The following PSMB7 variants were observed in gnomAD, a reference collection of about 807,000 sequenced individuals.
The protein encoded by PSMB7 is proteasome 20S subunit beta 7.
Under a neutral mutation model 28.1 loss-of-function variants are expected in PSMB7, and 5 were observed. The ratio of observed to expected loss-of-function variants is 0.18; its 90% CI spans 0.09 to 0.37. The LOEUF is 0.37. Among genes scored for constraint, PSMB7 ranks in the 10% least tolerant of loss-of-function variants. PSMB7 has a pLI of 1.00. For synonymous variants in PSMB7, 122 were observed against 123.7 expected (o/e 0.99, Z 0.09); for missense variants, 275 against 346.2 (o/e 0.79, Z 1.63).
intron 6 of PSMB7, among the ~76,000 whole-genome samples, chr9:124,369,963 G>T (rs1830545437): frequency 6.6e-6 from 1 of 152,158 alleles, no homozygotes; most frequent in South Asian, 2.1e-4. Context: ...CCCCTCTCTA[G>T]GTTGTAAAGT....
At chr9:124,360,440 A>G (rs1830454898) in intron 6 of PSMB7, among the ~76,000 whole-genome samples, 1 of 152,248 alleles carries the variant, frequency 6.6e-6, no homozygotes, top group Non-Finnish European at 1.5e-5. Flanking sequence ...GGCTCTGCAG[A>G]GCCCATGACC....
chr9:124,414,350 TA>T (rs949902581), intron 2 of PSMB7, among the ~76,000 whole-genome samples: 1 of 152,232 alleles, frequency 6.6e-6, no homozygotes, highest in Non-Finnish European at 1.5e-5. Context: ...AATTTCCTTT[TA>T]AAACATGTTG....
intron 4 of PSMB7, among the ~76,000 whole-genome samples, chr9:124,409,208 G>A (rs970061120): frequency 1.3e-5 from 2 of 152,136 alleles, no homozygotes; most frequent in African/African-American, 4.8e-5. Context: ...ACAGAAGACT[G>A]GAATAACATA....
intron 6 of PSMB7, among the ~76,000 whole-genome samples, chr9:124,378,176 G>A (rs1830632029): frequency 6.6e-6 from 1 of 152,244 alleles, no homozygotes; most frequent in South Asian, 2.1e-4. Context: ...TTTTCAAGTT[G>A]CTATTATTGC....
intron 5 of PSMB7, among the ~76,000 whole-genome samples, chr9:124,403,949 T>C (rs1564685911): frequency 2.0e-5 from 3 of 150,894 alleles, no homozygotes; most frequent in Non-Finnish European, 4.4e-5. Flanking sequence ...TGTAGTACAA[T>C]GGCTTGATCA....
chr9:124,387,017 T>C (rs889230712), intron 5 of PSMB7, among the ~76,000 whole-genome samples: 9 of 152,122 alleles, frequency 5.9e-5, no homozygotes, highest in East Asian at 3.9e-4. Context: ...GAGGCCGAGG[T>C]GGGCGGATCA....
intron 6 of PSMB7, among the ~76,000 whole-genome samples, chr9:124,357,255 C>T (rs1830418434): frequency 6.6e-6 from 1 of 152,178 alleles, no homozygotes; most frequent in South Asian, 2.1e-4. Context: ...GTCTCTACCA[C>T]ACCTACTCAA....
intron 5 of PSMB7, among the ~76,000 whole-genome samples, chr9:124,404,435 C>T (rs1229140961): frequency 2.0e-5 from 3 of 152,138 alleles, no homozygotes. Flanking sequence ...CTAATACAGG[C>T]TGAGTAGCCC....
At chr9:124,410,010 A>ATT (rs11396783) in intron 4 of PSMB7, among the ~76,000 whole-genome samples, 15,408 of 144,762 alleles carry the variant, frequency 0.11, 1,433 homozygotes, top group East Asian at 0.45. Context: ...AGAATTTAGA[A>ATT]TTTTTTTTTT....
chr9:124,413,968 T>A lies in PSMB7; in HGVS notation c.194A>T (p.Glu65Val). The change falls in exon 3 of 8, where the codon GAA becomes GTA. Residue 65 changes from glutamate to valine, a missense_variant. This residue lies in a region of PSMB7 where 213 missense variants were observed against 302.4 expected (regional missense o/e 0.70). Coordinates refer to ENST00000259457, the MANE Select transcript of PSMB7 (RefSeq NM_002799.4). Reference protein sequence around the residue: ...IVLGADTRATEGMVVADKNCS... With the variant: ...IVLGADTRATVGMVVADKNCS... ...GTTCTTGTCAGCAACAACCATCCCT[T>A]CAGTTGCTCTTGTATCTGCTCCAAG... The A allele has an allele frequency of 6.2e-7, 1 of 1,613,460 alleles. No homozygotes were observed. Among genetic ancestry groups the A allele is most frequent in the Non-Finnish European group, 8.5e-7 (1 of 1,179,780 alleles).
At chr9:124,358,121 G>A (rs1028345480) in intron 6 of PSMB7, among the ~76,000 whole-genome samples, 4 of 152,134 alleles carry the variant, frequency 2.6e-5, no homozygotes, top group Non-Finnish European at 4.4e-5. Flanking sequence ...GCACTCCAGC[G>A]CTCACCCAAG....
rs2131139037 is a variant in PSMB7, at chr9:124,356,636, T to C, written c.722+128A>G. ...ACAAGCCGAAGGTCTGTGTGGGAGG[T>C]TGATTTGGGAACACTGGATGTACTT... On this transcript the variant is annotated intron_variant, in intron 7 of 7. Coordinates refer to ENST00000259457, the MANE Select transcript of PSMB7 (RefSeq NM_002799.4). The surrounding 1 kb of genome is among the most constrained non-coding windows in gnomAD (Gnocchi z 4.4). The C allele has an allele frequency of 1.8e-6, 2 of 1,101,806 alleles. No homozygotes were observed. Among genetic ancestry groups the C allele is most frequent in the Non-Finnish European group, 2.6e-6 (2 of 775,698 alleles). 68.3% of individuals were successfully genotyped at this position (1,101,806 alleles called of 1,614,324 possible).
At chr9:124,414,221 T>A (rs1352700326) in intron 2 of PSMB7, among the ~76,000 whole-genome samples, 5 of 152,190 alleles carry the variant, frequency 3.3e-5, no homozygotes, top group Admixed American at 6.5e-5. Context: ...TAGGTAAGAA[T>A]TATTCCCATT....
At chr9:124,409,200 A>G (rs1386254803) in intron 4 of PSMB7, among the ~76,000 whole-genome samples, 1 of 152,252 alleles carries the variant, frequency 6.6e-6, no homozygotes, top group African/African-American at 2.4e-5. Flanking sequence ...CTTAAGAGAC[A>G]GAAGACTGGA....
intron 6 of PSMB7, among the ~76,000 whole-genome samples, chr9:124,372,222 C>T (rs1830570654): frequency 6.6e-6 from 1 of 152,242 alleles, no homozygotes; most frequent in Non-Finnish European, 1.5e-5. Flanking sequence ...CTCTGCATTA[C>T]AGCACCAAGC....
chr9:124,361,333 C>T (rs531384628), intron 6 of PSMB7, among the ~76,000 whole-genome samples: 3 of 152,144 alleles, frequency 2.0e-5, no homozygotes, highest in South Asian at 2.1e-4. Context: ...TTCCATTTAC[C>T]GCTACATGAC....
At chr9:124,411,459 A>G (rs1055652598) in intron 4 of PSMB7, among the ~76,000 whole-genome samples, 1 of 152,222 alleles carries the variant, frequency 6.6e-6, no homozygotes, top group Non-Finnish European at 1.5e-5. Context: ...AGGGGCAGGT[A>G]TTATGATATC....
intron 5 of PSMB7, among the ~76,000 whole-genome samples, chr9:124,397,254 G>T (rs1421035434): frequency 6.6e-6 from 1 of 152,162 alleles, no homozygotes; most frequent in Admixed American, 6.5e-5. Flanking sequence ...CCCACAACAG[G>T]TGTAGGTGCT....
At chr9:124,414,385 A>T (rs1220321167) in intron 2 of PSMB7, among the ~76,000 whole-genome samples, 1 of 152,232 alleles carries the variant, frequency 6.6e-6, no homozygotes, top group East Asian at 1.9e-4. Context: ...CATGTTGCAC[A>T]GGTAATCATT....
Sources: gnomAD v4.1 joint callset for allele counts (sites outside exome capture counted in the v4.1 genomes callset) on GRCh38, gnomAD v4.1.1 for gene constraint, gnomAD v4.1.1 regional missense constraint, Gnocchi (gnomAD v3.1) non-coding constraint, MANE v1.5 for transcripts, NCBI Gene and HGNC (gene_info 2026-07-23, HGNC 2026-07-21) for gene names.